Variants in CENPU observed in about 807,000 individuals in gnomAD.
The protein encoded by CENPU is centromere protein U.
In CENPU, 46 loss-of-function variants were observed where a neutral mutation model predicts 56.7. That is an observed-to-expected ratio of 0.81 (90% CI 0.64 to 1.04). The LOEUF is 1.04. Among genes scored for constraint, CENPU ranks in the 50% least tolerant of loss-of-function variants. CENPU has a pLI of 0.00. For missense variants in CENPU, 510 were observed against 490.1 expected (o/e 1.04, Z -0.38); for synonymous variants, 166 against 163.0 (o/e 1.02, Z -0.14).
chr4:184,722,948 T>A (rs1464229290), intron 4 of CENPU, among the ~76,000 whole-genome samples: 1 of 152,208 alleles, frequency 6.6e-6, no homozygotes, highest in Non-Finnish European at 1.5e-5. Context: ...TTGATCTCAC[T>A]TAGGTGGCAA....
intron 12 of CENPU, among the ~76,000 whole-genome samples, chr4:184,695,851 C>A (rs547686872): frequency 5.3e-5 from 8 of 152,044 alleles, no homozygotes; most frequent in Admixed American, 5.2e-4. Flanking sequence ...CATAAAAGTT[C>A]TTAAGGAAAA....
In CENPU at chr4:184,730,928, T is replaced by G. The variant is rs149721645; in HGVS notation, c.88A>C (p.Met30Leu). The G allele has an allele frequency of 2.4e-5, 38 of 1,580,684 alleles. No individual in the cohort carries two copies. The highest frequency in any genetic ancestry group is 1.0e-4 in the Admixed American group (5 of 49,700). ...ACAAAAAGGTAACTTACATCTTTCATGGAATGTGTTCTTTCTAAAGTGTTC... is the reference window on the plus strand; with the variant it reads ...ACAAAAAGGTAACTTACATCTTTCAGGGAATGTGTTCTTTCTAAAGTGTTC... ...SKNTLERTHS[M>L]KDKAGQKCKP... Residue 30 changes from methionine (M) to leucine (L), a missense_variant, in exon 2 of 13, where the codon ATG (methionine) becomes CTG (leucine). Transcript: ENST00000281453.
intron 8 of CENPU, among the ~76,000 whole-genome samples, chr4:184,704,001 A>T (rs1272047693): frequency 1.3e-5 from 2 of 152,226 alleles, no homozygotes; most frequent in Non-Finnish European, 2.9e-5. Flanking sequence ...TAGCTGTGTA[A>T]AAGTATAGCA....
intron 4 of CENPU, among the ~76,000 whole-genome samples, chr4:184,718,442 G>A (rs981420551): frequency 1.1e-4 from 17 of 152,222 alleles, no homozygotes; most frequent in African/African-American, 3.9e-4. Flanking sequence ...AACTGGCACA[G>A]GGGCCCTCTA....
chr4:184,696,801 A>C (rs1420665662), intron 12 of CENPU, among the ~76,000 whole-genome samples: 1 of 152,020 alleles, frequency 6.6e-6, no homozygotes, highest in African/African-American at 2.4e-5. Context: ...CAAAGTCTGC[A>C]GTAAAAATCC....
chr4:184,730,580 A>G (rs778836685), intron 2 of CENPU, among the ~76,000 whole-genome samples: 2 of 126,354 alleles, frequency 1.6e-5, no homozygotes, highest in African/African-American at 2.9e-5. Context: ...AATGTGAACT[A>G]AGTGGAGTAT....
At chr4:184,731,883 C>CTGTGTGTGTGTGTGTGTG (rs59083873) in intron 1 of CENPU, among the ~76,000 whole-genome samples, 16,179 of 146,594 alleles carry the variant, frequency 0.11, 1,047 homozygotes, top group Non-Finnish European at 0.15. Flanking sequence ...CTCATGTGCT[C>CTGTGTGTGTGTGTGTGTG]TGTGTGTGTG....
intron 4 of CENPU, among the ~76,000 whole-genome samples, chr4:184,721,789 A>G (rs4623060): frequency 0.17 from 26,006 of 152,116 alleles, 2,439 homozygotes; most frequent in African/African-American, 0.24. Flanking sequence ...ACAGACCCCA[A>G]TACATTAGCT....
intron 4 of CENPU, among the ~76,000 whole-genome samples, chr4:184,722,126 G>A (rs930125314): frequency 2.6e-5 from 4 of 152,112 alleles, no homozygotes; most frequent in African/African-American, 9.7e-5. Flanking sequence ...AAAACAACAC[G>A]TTAATGAAGG....
At chr4:184,702,518 AACATAC>A in intron 8 of CENPU, 77 bp from the exon 9 acceptor site, 2 of 968,534 alleles carry the variant, frequency 2.1e-6, no homozygotes, top group African/African-American at 1.7e-5. Flanking sequence ...CATACAAACA[AACATAC>A]ACATACAATT....
intron 1 of CENPU, 137 bp from the exon 2 acceptor site, chr4:184,731,105 G>A: frequency 1.6e-6 from 1 of 644,206 alleles, no homozygotes; most frequent in Non-Finnish European, 2.6e-6. Context: ...ATTTTTTATA[G>A]GTCAAATCCT....
chr4:184,731,173 T>A (rs1463639838), intron 1 of CENPU, among the ~76,000 whole-genome samples: 1 of 152,154 alleles, frequency 6.6e-6, no homozygotes, highest in African/African-American at 2.4e-5. Context: ...AAAGTTGGAA[T>A]CCTGCTGTTA....
chr4:184,719,988 G>A (rs1007827925), intron 4 of CENPU, among the ~76,000 whole-genome samples: 4 of 152,056 alleles, frequency 2.6e-5, no homozygotes, highest in Admixed American at 1.3e-4. Context: ...ACATCCATAA[G>A]CATCAAGACC....
chr4:184,731,059 C>T (rs1467239794), intron 1 of CENPU, 91 bp from the exon 2 acceptor site: 9 of 681,468 alleles, frequency 1.3e-5, no homozygotes, highest in Non-Finnish European at 1.9e-5. Flanking sequence ...GCATTTTTAC[C>T]AAAAAAAAAA....
At chr4:184,719,839 G>C (rs1361334452) in intron 4 of CENPU, among the ~76,000 whole-genome samples, 1 of 152,186 alleles carries the variant, frequency 6.6e-6, no homozygotes, top group Non-Finnish European at 1.5e-5. Flanking sequence ...TCAGGGTCAT[G>C]AGACCCCCTA....
intron 1 of CENPU, 37 bp downstream of exon 1, chr4:184,733,979 C>G: frequency 1.2e-6 from 2 of 1,611,504 alleles, no homozygotes; most frequent in Non-Finnish European, 1.7e-6. Context: ...TCAAGCTGGT[C>G]TCCGGCCCCG....
At chr4:184,703,051 TA>T (rs1365521607) in intron 8 of CENPU, among the ~76,000 whole-genome samples, 1 of 152,044 alleles carries the variant, frequency 6.6e-6, no homozygotes, top group Non-Finnish European at 1.5e-5. Flanking sequence ...CCATTTTAAA[TA>T]ACTAAGATGG....
intron 8 of CENPU, among the ~76,000 whole-genome samples, chr4:184,707,345 T>C (rs750017760): frequency 5.5e-5 from 8 of 145,260 alleles, no homozygotes; most frequent in Non-Finnish European, 1.0e-4. Context: ...ATCTCATCAA[T>C]AGTGTGCCTG....
At chr4:184,727,703 G>A (rs781602514) in intron 3 of CENPU, among the ~76,000 whole-genome samples, 2 of 152,156 alleles carry the variant, frequency 1.3e-5, no homozygotes, top group Non-Finnish European at 2.9e-5. Flanking sequence ...TTACACAAAT[G>A]TTCACAGCAG....
Sources: allele counts gnomAD v4.1 joint callset (sites outside exome capture counted in the v4.1 genomes callset), GRCh38; gene constraint gnomAD v4.1.1; transcripts MANE v1.5; gene names NCBI Gene and HGNC (gene_info 2026-07-23, HGNC 2026-07-21).